Variants in HDAC4 observed in about 807,000 individuals in gnomAD.
HDAC4 encodes the protein histone deacetylase 4.
HDAC4 carries 16 observed loss-of-function variants against 135.1 expected under a neutral mutation model. The observed-to-expected ratio is 0.12, with a 90% CI of 0.08 to 0.18. The LOEUF (loss-of-function observed/expected upper bound fraction) is 0.18. HDAC4 is among the 10% of genes least tolerant of loss of function. HDAC4 has a pLI of 1.00. For synonymous variants in HDAC4, 685 were observed against 653.4 expected, an observed-to-expected ratio of 1.05 and a Z score of -0.74; for missense variants, 1,143 against 1,511.8, an observed-to-expected ratio of 0.76 and a Z score of 4.05.
intron 14 of HDAC4, among the ~76,000 whole-genome samples, chr2:239,110,905 G>A (rs1055251428): frequency 2.6e-5 from 4 of 152,196 alleles, no homozygotes; most frequent in Non-Finnish European, 5.9e-5. Context: ...TCCAGGGCCC[G>A]GCCCCTCCTG....
At chr2:239,103,246 G>T (rs1443260836) in intron 15 of HDAC4, among the ~76,000 whole-genome samples, 1 of 152,014 alleles carries the variant, frequency 6.6e-6, no homozygotes, top group Non-Finnish European at 1.5e-5. Flanking sequence ...ATAGAGGTGA[G>T]CTGCTGAGCT....
intron 2 of HDAC4, among the ~76,000 whole-genome samples, chr2:239,272,881 A>G (rs1444596779): frequency 6.6e-6 from 1 of 152,128 alleles, no homozygotes; most frequent in African/African-American, 2.4e-5. Flanking sequence ...TCTCGTCCCA[A>G]GCTGTCCCTA....
intron 1 of HDAC4, among the ~76,000 whole-genome samples, chr2:239,379,946 G>A (rs1476295128): frequency 6.6e-6 from 1 of 152,228 alleles, no homozygotes; most frequent in Non-Finnish European, 1.5e-5. Context: ...GGGTGACTCG[G>A]GGGGAAGCGG....
At chr2:239,231,309 C>T (rs1309568700) in intron 3 of HDAC4, among the ~76,000 whole-genome samples, 1 of 152,178 alleles carries the variant, frequency 6.6e-6, no homozygotes, top group African/African-American at 2.4e-5. Context: ...CCCCTTTTGG[C>T]CGATGGAAGG....
Position 239,048,545 on chromosome 2 carries a change from G to A in HDAC4, c.*4552C>T, listed in dbSNP as rs1288591593. ...CCGTAAGAAGCTCTTGGGTGAGTAAGGTTCAAGCCCCCTGTATAGATAGAT... is the reference window on the plus strand; with the variant it reads ...CCGTAAGAAGCTCTTGGGTGAGTAAAGTTCAAGCCCCCTGTATAGATAGAT... On this transcript the variant is annotated 3_prime_UTR_variant, in exon 27 of 27. Transcript: ENST00000543185. 1 of 130,458 alleles carries A rather than the reference G, an allele frequency of 7.7e-6. No homozygotes were observed. The highest frequency in any genetic ancestry group is 8.7e-5 in the Admixed American group (1 of 11,440). The allele number at this position is 130,458 out of a possible 1,614,324, so 8.1% of individuals were successfully genotyped here.
chr2:239,060,756 C>T (rs991865949), intron 24 of HDAC4, among the ~76,000 whole-genome samples: 3 of 152,260 alleles, frequency 2.0e-5, no homozygotes, highest in Non-Finnish European at 4.4e-5. Context: ...TGGGGACTTG[C>T]CCGGAAGTTC....
intron 1 of HDAC4, among the ~76,000 whole-genome samples, chr2:239,381,512 C>G (rs1227776755): frequency 6.6e-6 from 1 of 152,128 alleles, no homozygotes; most frequent in Admixed American, 6.5e-5. Context: ...ATTTCCTCAC[C>G]CCCAAGCTGG....
chr2:239,268,380 C>CT (rs2049869015), intron 2 of HDAC4, among the ~76,000 whole-genome samples: 2 of 152,314 alleles, frequency 1.3e-5, no homozygotes, highest in South Asian at 4.1e-4. Context: ...AGACTTGGGT[C>CT]TAGATTTTTC....
chr2:239,217,652 G>A (rs2153112727), intron 3 of HDAC4, among the ~76,000 whole-genome samples: 1 of 152,230 alleles, frequency 6.6e-6, no homozygotes, highest in Admixed American at 6.5e-5. Context: ...GAGCTCATAA[G>A]AGTTCACACA....
At chr2:239,322,303 C>T (rs773134199) in intron 2 of HDAC4, among the ~76,000 whole-genome samples, 8 of 152,266 alleles carry the variant, frequency 5.3e-5, no homozygotes, top group Non-Finnish European at 1.0e-4. Flanking sequence ...TAAAGCCTTA[C>T]ACTTCAGAGC....
chr2:239,176,733 G>T (rs574568374), intron 4 of HDAC4, among the ~76,000 whole-genome samples, 170 bp from the exon 5 acceptor site: 106 of 152,132 alleles, frequency 7.0e-4, no homozygotes, highest in Non-Finnish European at 1.4e-3. Context: ...AAGAAGTCAG[G>T]GCCATTCCGG....
intron 24 of HDAC4, among the ~76,000 whole-genome samples, chr2:239,059,616 T>G (rs184124167): frequency 5.6e-4 from 85 of 152,364 alleles, no homozygotes; most frequent in African/African-American, 1.8e-3. Flanking sequence ...AATAGGAAAC[T>G]TCAATAGACC....
At chr2:239,217,556 G>A (rs913488067) in intron 3 of HDAC4, among the ~76,000 whole-genome samples, 6 of 152,078 alleles carry the variant, frequency 3.9e-5, no homozygotes, top group African/African-American at 7.2e-5. Context: ...GAAAAGAGAC[G>A]GCAGAAAGTG....
At chr2:239,392,916 A>G (rs1696324396) in intron 1 of HDAC4, among the ~76,000 whole-genome samples, 1 of 152,192 alleles carries the variant, frequency 6.6e-6, no homozygotes, top group African/African-American at 2.4e-5. Context: ...AACCGGTGGC[A>G]CTGGGGGTGC....
At chr2:239,095,146 G>A (rs2036897518) in intron 16 of HDAC4, 90 bp from the exon 17 acceptor site, 4 of 1,372,546 alleles carry the variant, frequency 2.9e-6, no homozygotes, top group Middle Eastern at 1.8e-4. Flanking sequence ...GTCTTCAGTG[G>A]CACTTGGGCA....
chr2:239,354,866 A>C (rs1693392519), intron 1 of HDAC4, among the ~76,000 whole-genome samples: 1 of 152,090 alleles, frequency 6.6e-6, no homozygotes. Context: ...AACCCTCACA[A>C]ATCTCAGATG....
chr2:239,162,380 C>T (rs1245891002), intron 6 of HDAC4: 1 of 453,634 alleles, frequency 2.2e-6, no homozygotes, highest in African/African-American at 2.0e-5. Context: ...AGCTTGGGCC[C>T]CAGGGGCACC....
At chr2:239,223,680 T>G (rs291333) in intron 3 of HDAC4, among the ~76,000 whole-genome samples, 115,419 of 151,804 alleles carry the variant, frequency 0.76, 44,035 homozygotes, top group South Asian at 0.93. Context: ...TTGCTGTAAT[T>G]AGGAGCAACC....
At chr2:239,210,547 G>C (rs375178989) in intron 3 of HDAC4, among the ~76,000 whole-genome samples, 1 of 152,134 alleles carries the variant, frequency 6.6e-6, no homozygotes, top group Non-Finnish European at 1.5e-5. Flanking sequence ...TTTATTACCC[G>C]GCCTGTGAGC....
Sources: gnomAD v4.1 joint callset for allele counts (sites outside exome capture counted in the v4.1 genomes callset) on GRCh38, gnomAD v4.1.1 for gene constraint, MANE v1.5 for transcripts, NCBI Gene and HGNC (gene_info 2026-07-23, HGNC 2026-07-21) for gene names.